Variants in ZBTB4 observed in about 807,000 individuals in gnomAD.
ZBTB4 encodes the protein zinc finger and BTB domain containing 4.
A neutral mutation model predicts 59.8 loss-of-function variants in ZBTB4; 14 were observed. The ratio of observed to expected loss-of-function variants is 0.23; its 90% CI spans 0.15 to 0.37. ZBTB4 has a LOEUF of 0.37. Ranked by LOEUF, ZBTB4 falls within the 10% of genes least tolerant of loss-of-function variation. The pLI, the probability that ZBTB4 is intolerant of heterozygous loss-of-function variation, is 1.00. For missense variants in ZBTB4, 1,198 were observed against 1,380.8 expected, an observed-to-expected ratio of 0.87 and a Z score of 2.10; for synonymous variants, 587 against 575.2, an observed-to-expected ratio of 1.02 and a Z score of -0.29.
chr17:7,472,643 T>TTC lies in ZBTB4; in HGVS notation c.-80-5317_-80-5316insGA, dbSNP rs1351122693. Reference sequence around the variant, plus strand: ...ACTGCACCTGGCCATTCTTTTTTTTTTTTTTTTTTTTTTTTTGAGATGAGG... The same window carrying TTC: ...ACTGCACCTGGCCATTCTTTTTTTTTTCTTTTTTTTTTTTTTTTGAGATGAGG... On this transcript the variant is annotated intron_variant, in intron 1 of 3. Transcript: ENST00000380599. Among the ~76,000 whole-genome samples, 3 of 133,080 alleles carry TTC rather than the reference T, an allele frequency of 2.3e-5. No homozygotes were observed. In the South Asian group the frequency reaches 7.7e-4, roughly 34 times the overall value. The allele number at this position is 133,080 out of a possible 152,430, so 87.3% of individuals were successfully genotyped here.
chr17:7,483,808 G>A (rs908679579), upstream of ZBTB4, among the ~76,000 whole-genome samples: 2 of 152,220 alleles, frequency 1.3e-5, no homozygotes, highest in African/African-American at 4.8e-5. Context: ...CTAGGATCAT[G>A]GCTCGGTACA....
At chr17:7,481,168 A>AG (rs1228381142), upstream of ZBTB4, among the ~76,000 whole-genome samples, 6 of 150,132 alleles carry the variant, frequency 4.0e-5, no homozygotes, top group Admixed American at 4.0e-4. Flanking sequence ...CGTCCCAAAA[A>AG]AAAAAAAAAA....
upstream of ZBTB4, among the ~76,000 whole-genome samples, chr17:7,479,909 G>A (rs1026329144): frequency 6.6e-6 from 1 of 151,848 alleles, no homozygotes; most frequent in African/African-American, 2.4e-5. Flanking sequence ...GGCTCCCTCC[G>A]CCCTTCCTCC....
At chr17:7,481,934 C>G (rs1011023995), upstream of ZBTB4, 93 of 1,544,122 alleles carry the variant, frequency 6.0e-5, no homozygotes, top group Non-Finnish European at 7.6e-5. Flanking sequence ...TGCCCTGCCC[C>G]AGGTCGCCTG....
intron 1 of ZBTB4, among the ~76,000 whole-genome samples, chr17:7,476,786 G>T (rs915329702): frequency 6.6e-6 from 1 of 152,154 alleles, no homozygotes; most frequent in African/African-American, 2.4e-5. Context: ...GGGGATCCCT[G>T]AGCATCCGGG....
rs983778907 is a variant in ZBTB4, at chr17:7,472,955, C to CT, written c.-80-5629dup. 6.7e-3 allele frequency among the ~76,000 whole-genome samples: 961 copies of CT among 144,220 alleles called. 5 individuals are homozygous for CT. The highest frequency in any genetic ancestry group is 0.014 in the Middle Eastern group (4 of 276). The allele number at this position is 144,220 out of a possible 152,430, so 94.6% of individuals were successfully genotyped here. Reference sequence around the variant, plus strand: ...CACTGAAACTGGCCCAACTGCTTCTCTTTTTTTTTTGCGGCGGGGGACAGA... The same window carrying CT: ...CACTGAAACTGGCCCAACTGCTTCTCTTTTTTTTTTTGCGGCGGGGGACAGA... On this transcript the variant is annotated intron_variant, in intron 1 of 3. Transcript: ENST00000380599.
intron 1 of ZBTB4, among the ~76,000 whole-genome samples, chr17:7,469,407 C>G (rs571091195): frequency 6.6e-6 from 1 of 151,740 alleles, no homozygotes; most frequent in Non-Finnish European, 1.5e-5. Context: ...ACCTTGTGAC[C>G]TGCCTACCTA....
upstream of ZBTB4, chr17:7,481,993 C>T (rs781042569): frequency 1.3e-6 from 2 of 1,591,342 alleles, no homozygotes; most frequent in South Asian, 1.1e-5. Flanking sequence ...AACAGGCTGG[C>T]AGTCACCCCT....
rs781417002 is a variant in ZBTB4, at chr17:7,463,023, CTCCTCA to C, written c.1953_1958del (p.Asp651_Glu652del). 71 of 1,610,720 alleles carry C rather than the reference CTCCTCA, an allele frequency of 4.4e-5. No homozygotes were observed. Among genetic ancestry groups the C allele is most frequent in the African/African-American group, 3.9e-4 (29 of 75,030 alleles). ...GGTCCTCCCCACCAGCCTTTGATTCCTCCTCATCCTCCTCCTCCTCCTCTTCGTCCT... is the reference window on the plus strand; with the variant it reads ...GGTCCTCCCCACCAGCCTTTGATTCCTCCTCCTCCTCCTCCTCTTCGTCCT... On this transcript the variant is annotated inframe_deletion, in exon 4 of 4. Transcript: ENST00000380599.
chr17:7,477,486 G>A (rs1420115627), intron 1 of ZBTB4, among the ~76,000 whole-genome samples: 6 of 152,158 alleles, frequency 3.9e-5, no homozygotes, highest in African/African-American at 7.2e-5. Context: ...GGGCCTGTCC[G>A]CAGCACCCTC....
Position 7,462,422 on chromosome 17 carries a change from CT to C in ZBTB4, c.2559del (p.Gly855ValfsTer6). On this transcript the variant is annotated frameshift_variant, in exon 4 of 4. Coordinates refer to ENST00000380599, the MANE Select transcript of ZBTB4 (RefSeq NM_001128833.2). LOFTEE classifies it high-confidence loss of function. The surrounding 1 kb of genome is among the most constrained non-coding windows in gnomAD (Gnocchi z 7.5). ...GCCACTACTGGGGGCTCCTCACCCC[CT>C]GAAATGATAGGGTCCTGGAGTGAGG... is the stretch of plus-strand genomic sequence containing the variant. Reference protein sequence around the residue: ...ETASLQDPIISGGEEPPVVAS... With the variant: ...ETASLQDPIIXGGEEPPVVAS... 1 of 1,613,942 alleles carries C rather than the reference CT, an allele frequency of 6.2e-7. No homozygotes were observed. Among genetic ancestry groups the C allele is most frequent in the Non-Finnish European group, 8.5e-7 (1 of 1,180,000 alleles).
Position 7,466,361 on chromosome 17 carries a change from C to T in ZBTB4, c.441G>A (p.Arg147=). ...CCCCTCCACCACCAGGCAGTGCGAG[C>T]CGGGCGCTGTAGATGAAGTTGAGGA... ...SDVLNFIYSA[R]LALPGGGGDG... is the part of the protein sequence containing the mutation. The change falls in exon 3 of 4, where the codon CGG becomes CGA. Residue 147 remains arginine, a synonymous_variant. Coordinates refer to ENST00000380599, the MANE Select transcript of ZBTB4 (RefSeq NM_001128833.2). The surrounding 1 kb of genome is among the most constrained non-coding windows in gnomAD (Gnocchi z 9.1). The T allele has an allele frequency of 2.5e-6, 4 of 1,614,048 alleles. No individual in the cohort carries two copies. The highest frequency in any genetic ancestry group is 3.4e-6 in the Non-Finnish European group (4 of 1,180,010).
At chr17:7,463,998 A>T in intron 3 of ZBTB4, 108 bp from the exon 4 acceptor site, 1 of 1,495,354 alleles carries the variant, frequency 6.7e-7, no homozygotes, top group South Asian at 1.4e-5. Context: ...TGACTCCCGT[A>T]GCCTTGTGCT....
At chr17:7,473,236 C>T (rs937404825) in intron 1 of ZBTB4, among the ~76,000 whole-genome samples, 8 of 151,620 alleles carry the variant, frequency 5.3e-5, no homozygotes, top group African/African-American at 9.7e-5. Context: ...CCTCAGCCTC[C>T]GGAGTAGCTG....
chr17:7,483,260 C>T (rs1567695380), upstream of ZBTB4: 1 of 665,820 alleles, frequency 1.5e-6, no homozygotes. Context: ...AGGAGCAGAT[C>T]CAAACGGCTG....
chr17:7,465,112 C>T (rs1229279930), intron 3 of ZBTB4, among the ~76,000 whole-genome samples: 4 of 146,616 alleles, frequency 2.7e-5, no homozygotes, highest in Non-Finnish European at 4.5e-5. Flanking sequence ...GCCGAGATCA[C>T]GCCACTGCAC....
At chr17:7,471,237 G>A (rs1471694021) in intron 1 of ZBTB4, among the ~76,000 whole-genome samples, 1 of 151,970 alleles carries the variant, frequency 6.6e-6, no homozygotes, top group Admixed American at 6.6e-5. Context: ...AAGCTGGAGT[G>A]CAGTGGTGTG....
In ZBTB4 at chr17:7,461,755, C is replaced by A. The variant is rs1222000134; in HGVS notation, c.*185G>T. 1 of 490,414 alleles carries A rather than the reference C, an allele frequency of 2.0e-6. No homozygotes were observed. The highest frequency in any genetic ancestry group is 2.0e-5 in the African/African-American group (1 of 49,968). 30.4% of individuals were successfully genotyped at this position (490,414 alleles called of 1,614,324 possible). On this transcript the variant is annotated 3_prime_UTR_variant, in exon 4 of 4. Coordinates refer to ENST00000380599, the MANE Select transcript of ZBTB4 (RefSeq NM_001128833.2). ...ACTGAGAGGGGAACCTCGAAAGATC[C>A]CTTCCCAGGAGATGGGAAAACTACA...
chr17:7,466,851 T>C lies in ZBTB4; in HGVS notation c.-9-41A>G, dbSNP rs1422632978. ...AGAGGCCGGGTAGAGTCTCAGAGGC[T>C]GGGCAGAGGGCAGGGGCTTCTAAAA... On this transcript the variant is annotated intron_variant, in intron 2 of 3. Transcript: ENST00000380599. The surrounding 1 kb of genome is among the most constrained non-coding windows in gnomAD (Gnocchi z 9.1). 22 of 1,474,618 alleles carry C rather than the reference T, an allele frequency of 1.5e-5. No individual in the cohort carries two copies. Among genetic ancestry groups the C allele is most frequent in the Non-Finnish European group, 1.8e-5 (20 of 1,114,736 alleles). 91.3% of individuals were successfully genotyped at this position (1,474,618 alleles called of 1,614,324 possible).
Sources: allele counts gnomAD v4.1 joint callset (sites outside exome capture counted in the v4.1 genomes callset), GRCh38; gene constraint gnomAD v4.1.1; non-coding constraint Gnocchi (gnomAD v3.1); transcripts MANE v1.5; gene names NCBI Gene and HGNC (gene_info 2026-07-23, HGNC 2026-07-21).